The following KHDRBS2 variants were observed in gnomAD, a reference collection of about 807,000 sequenced individuals.
KHDRBS2 encodes the protein KH domain-containing, RNA-binding, signal transduction-associated protein 2.
In KHDRBS2, 26 loss-of-function variants were observed where a neutral mutation model predicts 44.3. The ratio of observed to expected loss-of-function variants is 0.59; its 90% CI spans 0.43 to 0.81. The LOEUF (loss-of-function observed/expected upper bound fraction) is 0.81. KHDRBS2 is among the 40% of genes least tolerant of loss of function. The pLI, the probability that KHDRBS2 is intolerant of heterozygous loss-of-function variation, is 0.00. For missense variants in KHDRBS2, 476 were observed against 433.1 expected (o/e 1.10, Z -0.88); for synonymous variants, 194 against 151.1 (o/e 1.28, Z -2.08).
At chr6:61,919,366 G>A (rs1807613397) in intron 4 of KHDRBS2, among the ~76,000 whole-genome samples, 1 of 151,850 alleles carries the variant, frequency 6.6e-6, no homozygotes, top group Non-Finnish European at 1.5e-5. Flanking sequence ...GAAAAATGGG[G>A]TTGAGTAGCT....
At chr6:61,571,979 C>A in the KHDRBS2 span, among the ~76,000 whole-genome samples, 1 of 151,902 alleles carries the variant, frequency 6.6e-6, no homozygotes, top group Non-Finnish European at 1.5e-5. Flanking sequence ...AAATTCAGAA[C>A]TAAATGACAT....
At chr6:62,107,002 A>T (rs1402141790) in intron 2 of KHDRBS2, among the ~76,000 whole-genome samples, 3 of 152,116 alleles carry the variant, frequency 2.0e-5, no homozygotes, top group Admixed American at 6.6e-5. Context: ...AATGGGCAAA[A>T]ACTGGAAACA....
intron 6 of KHDRBS2, among the ~76,000 whole-genome samples, chr6:61,769,929 C>T (rs1780594476): frequency 6.6e-6 from 1 of 152,194 alleles, no homozygotes; most frequent in South Asian, 2.1e-4. Context: ...AACTGGGAGG[C>T]ACCCCCCAGT....
At chr6:62,064,342 A>T (rs2127333028) in intron 2 of KHDRBS2, among the ~76,000 whole-genome samples, 1 of 149,006 alleles carries the variant, frequency 6.7e-6, no homozygotes, top group Non-Finnish European at 1.5e-5. Context: ...AAGCCAAAAG[A>T]ACAAAGCTGG....
chr6:62,163,001 A>G (rs1585014321), intron 2 of KHDRBS2, among the ~76,000 whole-genome samples: 1 of 152,010 alleles, frequency 6.6e-6, no homozygotes, highest in African/African-American at 2.4e-5. Context: ...TCAAGTAAGT[A>G]AGTCTTGGAG....
chr6:62,221,487 T>C (rs1459807068), intron 1 of KHDRBS2, among the ~76,000 whole-genome samples: 1 of 152,112 alleles, frequency 6.6e-6, no homozygotes, highest in Non-Finnish European at 1.5e-5. Flanking sequence ...TGGTTAACTA[T>C]GTGAGATGCT....
chr6:61,910,914 T>C (rs950211286), intron 4 of KHDRBS2, among the ~76,000 whole-genome samples: 1 of 152,232 alleles, frequency 6.6e-6, no homozygotes, highest in Non-Finnish European at 1.5e-5. Context: ...ACACATGATA[T>C]ACGAGCTTTA....
At chr6:61,997,086 A>T (rs979330437) in intron 3 of KHDRBS2, among the ~76,000 whole-genome samples, 6 of 152,232 alleles carry the variant, frequency 3.9e-5, no homozygotes, top group African/African-American at 1.4e-4. Flanking sequence ...CAGCCCATCC[A>T]CACATATTTT....
chr6:62,117,869 C>T (rs1447814944), intron 2 of KHDRBS2, among the ~76,000 whole-genome samples: 14 of 152,052 alleles, frequency 9.2e-5, no homozygotes, highest in African/African-American at 2.2e-4. Flanking sequence ...TCTGCCTCCT[C>T]GGTTTAAGTG....
At chr6:62,193,841 C>T (rs560694505) in intron 1 of KHDRBS2, among the ~76,000 whole-genome samples, 1 of 152,056 alleles carries the variant, frequency 6.6e-6, no homozygotes, top group African/African-American at 2.4e-5. Context: ...AAGTTGAGCA[C>T]ATATTAACAT....
chr6:62,116,020 T>C (rs560844835), intron 2 of KHDRBS2, among the ~76,000 whole-genome samples: 127 of 152,168 alleles, frequency 8.3e-4, no homozygotes, highest in African/African-American at 3.0e-3. Flanking sequence ...TCAGAAATTA[T>C]GTTTATAGGT....
At chr6:61,802,436 AC>A (rs1786429291) in intron 6 of KHDRBS2, among the ~76,000 whole-genome samples, 1 of 152,212 alleles carries the variant, frequency 6.6e-6, no homozygotes, top group South Asian at 2.1e-4. Context: ...GCTCATATTT[AC>A]CATACATCAG....
At chr6:62,227,477 G>A (rs1267639568) in intron 1 of KHDRBS2, among the ~76,000 whole-genome samples, 30 of 152,060 alleles carry the variant, frequency 2.0e-4, no homozygotes, top group African/African-American at 6.3e-4. Flanking sequence ...AAACAGAGAC[G>A]ATTTGACTTC....
In KHDRBS2 at chr6:61,760,782, A is replaced by C. The variant is rs540113187; in HGVS notation, c.811-28018T>G. ...CACAGAAATTGATAGAAAACCAATA[A>C]TTTGGCAAAGCACCTTCACATTAAG... On this transcript the variant is annotated intron_variant, in intron 6 of 8. Coordinates refer to ENST00000281156, the MANE Select transcript of KHDRBS2 (RefSeq NM_152688.4). Among the ~76,000 whole-genome samples the C allele has an allele frequency of 1.9e-3, 283 of 152,360 alleles. 11 individuals carry two copies. In the South Asian group the frequency reaches 0.057, roughly 30 times the overall value.
chr6:62,116,296 A>G (rs547227681), intron 2 of KHDRBS2, among the ~76,000 whole-genome samples: 1 of 152,130 alleles, frequency 6.6e-6, no homozygotes, highest in Non-Finnish European at 1.5e-5. Context: ...TTCCAAAAAC[A>G]TATTTCTCCT....
At chr6:62,122,868 C>CA (rs1808018794) in intron 2 of KHDRBS2, among the ~76,000 whole-genome samples, 1 of 134,572 alleles carries the variant, frequency 7.4e-6, no homozygotes, top group South Asian at 2.4e-4. Context: ...TTTATTTTTT[C>CA]AATTTATTTT....
intron 6 of KHDRBS2, among the ~76,000 whole-genome samples, chr6:61,847,641 C>A (rs1794604700): frequency 6.8e-6 from 1 of 146,064 alleles, no homozygotes; most frequent in Non-Finnish European, 1.5e-5. Context: ...AGGGAGTTTT[C>A]TTTCTGTCTT....
At chr6:61,746,582 A>T (rs942347985) in intron 6 of KHDRBS2, among the ~76,000 whole-genome samples, 2 of 151,992 alleles carry the variant, frequency 1.3e-5, no homozygotes, top group East Asian at 3.9e-4. Context: ...TTGTTCCATG[A>T]TTTTGCTATT....
intron 6 of KHDRBS2, among the ~76,000 whole-genome samples, chr6:61,782,748 C>CACAG (rs1334980582): frequency 2.3e-5 from 3 of 132,186 alleles, no homozygotes; most frequent in Non-Finnish European, 4.9e-5. Context: ...TACACACACA[C>CACAG]ATATACATAT....
Sources: gnomAD v4.1 joint callset for allele counts (sites outside exome capture counted in the v4.1 genomes callset) on GRCh38, gnomAD v4.1.1 for gene constraint, MANE v1.5 for transcripts, NCBI Gene and HGNC (gene_info 2026-07-23, HGNC 2026-07-21) for gene names.